Variants in ABHD2 observed in about 807,000 individuals in gnomAD.
The protein encoded by ABHD2 is monoacylglycerol lipase ABHD2.
Under a neutral mutation model 48.1 loss-of-function variants are expected in ABHD2, and 20 were observed. The observed-to-expected ratio is 0.42, with a 90% CI of 0.29 to 0.60. The LOEUF (loss-of-function observed/expected upper bound fraction) is 0.60, where lower values mean the gene tolerates loss of function less well. Ranked by LOEUF, ABHD2 falls within the 20% of genes least tolerant of loss-of-function variation. The pLI is 0.24. For missense variants in ABHD2, 405 were observed against 550.9 expected (o/e 0.74, Z 2.65); for synonymous variants, 209 against 214.2 (o/e 0.98, Z 0.21).
rs2049912541 is a variant in ABHD2, at chr15:89,113,756, C to G, written c.-75C>G. On this transcript the variant is annotated 5_prime_UTR_variant, in exon 2 of 11. Coordinates refer to ENST00000352732, the MANE Select transcript of ABHD2 (RefSeq NM_152924.5). ...GGTTTGTTTGAATAAGAGATCTGAC[C>G]TGACCGGCCCAACTGTACAACTCTT... 1.3e-5 allele frequency: 2 copies of G among 152,160 alleles called. No individual in the cohort carries two copies. The highest frequency in any genetic ancestry group is 4.8e-5 in the African/African-American group (2 of 41,428). 9.4% of individuals were successfully genotyped at this position (152,160 alleles called of 1,614,324 possible). A position where few individuals can be genotyped will look rare whatever the true frequency, so the allele number is the denominator to read the frequency against.
chr15:89,092,031 A>G lies in ABHD2; in HGVS notation c.-107+3468A>G, dbSNP rs1167026321. ...GTGCTGCTGTTTCTTTGTTGATACCATACAGATGCTACATTATCTCCTTTC... is the reference window on the plus strand; with the variant it reads ...GTGCTGCTGTTTCTTTGTTGATACCGTACAGATGCTACATTATCTCCTTTC... On this transcript the variant is annotated intron_variant, in intron 1 of 10. Coordinates refer to ENST00000352732, the MANE Select transcript of ABHD2 (RefSeq NM_152924.5). This position sits in a 1 kb window ranked among gnomAD's most constrained non-coding sequence, Gnocchi z 4.4. Among the ~76,000 whole-genome samples the G allele has an allele frequency of 2.0e-5, 3 of 152,248 alleles. No individual in the cohort carries two copies. Among genetic ancestry groups the G allele is most frequent in the Non-Finnish European group, 2.9e-5 (2 of 68,052 alleles).
intron 5 of ABHD2, among the ~76,000 whole-genome samples, chr15:89,158,221 T>G (rs1252284057): frequency 6.6e-6 from 1 of 152,110 alleles, no homozygotes; most frequent in Non-Finnish European, 1.5e-5. Flanking sequence ...AAAATTCTGA[T>G]GAAAAAACTG....
chr15:89,107,752 G>T (rs768386155), intron 1 of ABHD2, among the ~76,000 whole-genome samples: 14 of 152,162 alleles, frequency 9.2e-5, no homozygotes, highest in Non-Finnish European at 1.8e-4. Context: ...GATGGAATTG[G>T]AACAGAGAAA....
the ABHD2 span, among the ~76,000 whole-genome samples, chr15:89,068,574 A>C: frequency 8.5e-5 from 13 of 152,126 alleles, no homozygotes; most frequent in Non-Finnish European, 1.6e-4. Flanking sequence ...GCTGGGCTTC[A>C]TCAGACTAGC....
intron 5 of ABHD2, among the ~76,000 whole-genome samples, chr15:89,162,473 G>C (rs975703631): frequency 2.0e-5 from 3 of 152,122 alleles, no homozygotes; most frequent in Non-Finnish European, 4.4e-5. Context: ...GGATCCCCAG[G>C]ACATACTGCA....
chr15:89,061,526 A>G, the ABHD2 span, among the ~76,000 whole-genome samples: 2 of 152,292 alleles, frequency 1.3e-5, no homozygotes, highest in Admixed American at 1.3e-4. Context: ...TAACTCATGT[A>G]ATAAACCCGC....
At chr15:89,122,425 A>G (rs932433687) in intron 3 of ABHD2, among the ~76,000 whole-genome samples, 10 of 152,300 alleles carry the variant, frequency 6.6e-5, no homozygotes, top group African/African-American at 2.4e-4. Flanking sequence ...GTGTAAGTGA[A>G]CGATGTTCTC....
the ABHD2 span, among the ~76,000 whole-genome samples, chr15:89,055,022 C>G: frequency 1.3e-5 from 2 of 151,880 alleles, no homozygotes; most frequent in Non-Finnish European, 2.9e-5. Context: ...GGCCCGGAGT[C>G]CAAGACCAGC....
At chr15:89,115,344 A>G (rs1189812252) in intron 2 of ABHD2, among the ~76,000 whole-genome samples, 2 of 140,964 alleles carry the variant, frequency 1.4e-5, no homozygotes, top group Non-Finnish European at 3.0e-5. Flanking sequence ...GTCATTGCTT[A>G]TGTTTGGTTT....
In ABHD2 at chr15:89,182,986, C is replaced by T. The variant is rs2051138075; in HGVS notation, c.723-2438C>T. Among the ~76,000 whole-genome samples, 1 of 152,132 alleles carries T rather than the reference C, an allele frequency of 6.6e-6. No individual in the cohort carries two copies. Among genetic ancestry groups the T allele is most frequent in the Non-Finnish European group, 1.5e-5 (1 of 68,024 alleles). On this transcript the variant is annotated intron_variant, in intron 6 of 10. Transcript: ENST00000352732. This position sits in a 1 kb window ranked among gnomAD's most constrained non-coding sequence, Gnocchi z 4.8. ...TTTCCTCTACACCTATCCATTCAAC[C>T]CCTCCCTCAGAAACTACATTCTTTT...
At chr15:89,147,762 T>TTAACTATAAAAGATATTTTTA (rs1003669259) in intron 3 of ABHD2, among the ~76,000 whole-genome samples, 1 of 152,104 alleles carries the variant, frequency 6.6e-6, no homozygotes, top group South Asian at 2.1e-4. Context: ...AAAGATACTT[T>TTAACTATAAAAGATATTTTTA]TAACTATAAA....
intron 3 of ABHD2, among the ~76,000 whole-genome samples, chr15:89,143,737 A>T (rs1050322213): frequency 1.3e-5 from 2 of 152,072 alleles, no homozygotes; most frequent in Non-Finnish European, 2.9e-5. Context: ...GAAAATAGAG[A>T]TAGAGTAGAA....
rs186000197 is a variant in ABHD2 at position 89,145,619 on chromosome 15, A to G, written c.195-6058A>G. Among the ~76,000 whole-genome samples the G allele has an allele frequency of 8.5e-4, 129 of 152,296 alleles. 1 individual carries two copies. Among genetic ancestry groups the G allele is most frequent in the Admixed American group, 6.9e-3 (106 of 15,304 alleles). ...GTCTGTCCCCTTCTGGCTGCCTAGC[A>G]TTCATTCTTCCTTTCTAAGGGCATA... On this transcript the variant is annotated intron_variant, in intron 3 of 10. Coordinates refer to ENST00000352732, the MANE Select transcript of ABHD2 (RefSeq NM_152924.5).
At chr15:89,109,926 C>T (rs1276365179) in intron 1 of ABHD2, among the ~76,000 whole-genome samples, 5 of 152,100 alleles carry the variant, frequency 3.3e-5, no homozygotes, top group African/African-American at 9.7e-5. Context: ...TATAAAATGA[C>T]ATAGTATTTG....
chr15:89,059,124 T>G, the ABHD2 span, among the ~76,000 whole-genome samples: 5 of 152,194 alleles, frequency 3.3e-5, no homozygotes, highest in Non-Finnish European at 7.4e-5. Context: ...AAATTTTCTC[T>G]CCTCTCCAGC....
intron 3 of ABHD2, among the ~76,000 whole-genome samples, chr15:89,127,068 G>C (rs147908843): frequency 6.6e-6 from 1 of 152,318 alleles, no homozygotes; most frequent in South Asian, 2.1e-4. Flanking sequence ...ACTGTCAGTA[G>C]TCAGACTGAG....
At chr15:89,045,685 G>A in the ABHD2 span, among the ~76,000 whole-genome samples, 41 of 152,342 alleles carry the variant, frequency 2.7e-4, no homozygotes, top group African/African-American at 9.9e-4. Context: ...GTTCACTCAT[G>A]ATTTGGCTCT....
At chr15:89,187,900 C>G (rs1215529317) in intron 7 of ABHD2, among the ~76,000 whole-genome samples, 1 of 152,192 alleles carries the variant, frequency 6.6e-6, no homozygotes, top group Non-Finnish European at 1.5e-5. Flanking sequence ...CCATGGCCCA[C>G]CACTCACCAC....
chr15:89,192,764 G>A (rs1483979430), intron 9 of ABHD2, among the ~76,000 whole-genome samples: 1 of 152,114 alleles, frequency 6.6e-6, no homozygotes, highest in Non-Finnish European at 1.5e-5. Context: ...TCCCAGGCTG[G>A]TCTCAAACTT....
Sources: gnomAD v4.1 joint callset for allele counts (sites outside exome capture counted in the v4.1 genomes callset) on GRCh38, gnomAD v4.1.1 for gene constraint, Gnocchi (gnomAD v3.1) non-coding constraint, MANE v1.5 for transcripts, NCBI Gene and HGNC (gene_info 2026-07-23, HGNC 2026-07-21) for gene names.